PHF24: variants seen among roughly 807,000 people sequenced by gnomAD.
PHF24 encodes the protein PHD finger protein 24, also known as Galpha inhibitory interacting protein.
A neutral mutation model predicts 42.6 loss-of-function variants in PHF24; 25 were observed. That is an observed-to-expected ratio of 0.59 (90% CI 0.43 to 0.82). PHF24 has a LOEUF of 0.82. Ranked by LOEUF, PHF24 falls within the 40% of genes least tolerant of loss-of-function variation. The probability of loss-of-function intolerance (pLI) is 0.00; values close to 1 mark genes in which losing one functional copy is unlikely to be tolerated. For missense variants in PHF24, 470 were observed against 538.1 expected (o/e 0.87, Z 1.25); for synonymous variants, 185 against 204.8 (o/e 0.90, Z 0.83).
the PHF24 span, among the ~76,000 whole-genome samples, chr9:34,792,530 T>C: frequency 0.94 from 142,712 of 152,130 alleles, 67,351 homozygotes; most frequent in Non-Finnish European, 0.99. Flanking sequence ...ATTAGCAGGG[T>C]GTGGTGGTGC....
chr9:34,978,080 G>A, exon 8 of PHF24: 1 of 1,614,160 alleles, frequency 6.2e-7, no homozygotes, highest in Non-Finnish European at 8.5e-7. Flanking sequence ...CGCCCCAACA[G>A]CGCAGCCATT....
chr9:34,837,513 C>T, the PHF24 span: 3 of 626,746 alleles, frequency 4.8e-6, no homozygotes, highest in Non-Finnish European at 2.8e-6. Context: ...TAAGATTTCC[C>T]ACCCATGGAA....
At chr9:34,738,352 T>C in the PHF24 span, among the ~76,000 whole-genome samples, 4 of 152,144 alleles carry the variant, frequency 2.6e-5, no homozygotes, top group African/African-American at 9.7e-5. Flanking sequence ...TTTTTAATTT[T>C]TTTTTTTATT....
chr9:34,785,749 T>A, the PHF24 span, among the ~76,000 whole-genome samples: 2 of 152,242 alleles, frequency 1.3e-5, no homozygotes, highest in African/African-American at 2.4e-5. Flanking sequence ...CTTTATACTT[T>A]AGCCTTTAAT....
intron 3 of PHF24, among the ~76,000 whole-genome samples, chr9:34,974,073 G>A (rs148941541): frequency 0.012 from 1,870 of 152,078 alleles, 78 homozygotes; most frequent in Admixed American, 0.072. Context: ...TGGTGCGATC[G>A]TAGCACTGCA....
the PHF24 span, among the ~76,000 whole-genome samples, chr9:34,876,191 A>G: frequency 0.012 from 1,804 of 152,118 alleles, 27 homozygotes; most frequent in African/African-American, 0.041. Context: ...CCACACAAAA[A>G]CCTGCACATG....
chr9:34,766,353 T>G, the PHF24 span, among the ~76,000 whole-genome samples: 1 of 152,208 alleles, frequency 6.6e-6, no homozygotes, highest in Admixed American at 6.5e-5. Context: ...AGACATAGAT[T>G]TGGTCTTTTC....
chr9:34,908,943 G>A, the PHF24 span, among the ~76,000 whole-genome samples: 1 of 151,392 alleles, frequency 6.6e-6, no homozygotes, highest in Non-Finnish European at 1.5e-5. Flanking sequence ...CACCTCCCAG[G>A]TTCAAGCAAT....
chr9:34,935,744 GGTGTGT>G, the PHF24 span, among the ~76,000 whole-genome samples: 34 of 149,974 alleles, frequency 2.3e-4, no homozygotes, highest in African/African-American at 7.9e-4. Context: ...GTGGGGGGGG[GGTGTGT>G]GTGTGTGTGT....
At chr9:34,830,537 C>T in the PHF24 span, among the ~76,000 whole-genome samples, 2 of 152,160 alleles carry the variant, frequency 1.3e-5, no homozygotes, top group East Asian at 3.8e-4. Flanking sequence ...CTTAGGTCTC[C>T]TTAGAGGTTC....
chr9:34,837,761 A>AT, the PHF24 span: 2 of 1,081,436 alleles, frequency 1.8e-6, no homozygotes, highest in African/African-American at 3.1e-5. Context: ...CATGTCCAAA[A>AT]TGAGACTTAC....
the PHF24 span, among the ~76,000 whole-genome samples, chr9:34,934,425 T>C: frequency 1.3e-5 from 2 of 152,202 alleles, no homozygotes; most frequent in Non-Finnish European, 1.5e-5. Context: ...GGGAGTTTAA[T>C]CACCCCATCG....
chr9:34,947,340 G>A, the PHF24 span, among the ~76,000 whole-genome samples: 1 of 152,164 alleles, frequency 6.6e-6, no homozygotes, highest in Non-Finnish European at 1.5e-5. Flanking sequence ...TGACACTATA[G>A]CCACTGTAAG....
chr9:34,832,409 C>T, the PHF24 span: 1 of 1,207,738 alleles, frequency 8.3e-7, no homozygotes. Flanking sequence ...GTAACCGAAG[C>T]TTATTGTCTA....
the PHF24 span, among the ~76,000 whole-genome samples, chr9:34,847,079 G>A: frequency 2.0e-5 from 3 of 152,138 alleles, no homozygotes; most frequent in African/African-American, 4.8e-5. Flanking sequence ...ACTTGGTGAT[G>A]TGGGCTCTTT....
At chr9:34,892,920 C>G in the PHF24 span, 40 of 686,302 alleles carry the variant, frequency 5.8e-5, no homozygotes, top group African/African-American at 4.4e-4. Context: ...AGTGAAAGCT[C>G]TTTGGATTTC....
chr9:34,835,918 A>G, the PHF24 span: 1 of 792,504 alleles, frequency 1.3e-6, no homozygotes, highest in South Asian at 1.5e-5. Flanking sequence ...ACTCCTCGAC[A>G]AAGTTGGGGA....
chr9:34,784,855 A>G, the PHF24 span, among the ~76,000 whole-genome samples: 6 of 152,232 alleles, frequency 3.9e-5, no homozygotes, highest in Non-Finnish European at 1.5e-5. Flanking sequence ...ACTAAGGATC[A>G]TTTATATTGA....
the PHF24 span, chr9:34,690,385 G>A: frequency 9.3e-6 from 15 of 1,606,166 alleles, no homozygotes; most frequent in East Asian, 3.4e-4. Flanking sequence ...GGACCCTTGA[G>A]GGTGGCATGG....
Sources: allele counts gnomAD v4.1 joint callset (sites outside exome capture counted in the v4.1 genomes callset), GRCh38; gene constraint gnomAD v4.1.1; transcripts MANE v1.5; gene names NCBI Gene and HGNC (gene_info 2026-07-23, HGNC 2026-07-21).